SYNPO2: variants seen among roughly 807,000 people sequenced by gnomAD.
SYNPO2 encodes the protein synaptopodin-2.
In SYNPO2, 56 loss-of-function variants were observed where a neutral mutation model predicts 85.0. That is an observed-to-expected ratio of 0.66 (90% CI 0.53 to 0.82). The LOEUF (loss-of-function observed/expected upper bound fraction) is 0.82, where lower values mean the gene tolerates loss of function less well. SYNPO2 is among the 40% of genes least tolerant of loss of function. The pLI is 0.00. For missense variants in SYNPO2, 1,575 were observed against 1,534.2 expected (o/e 1.03, Z -0.44); for synonymous variants, 602 against 591.1 (o/e 1.02, Z -0.27).
intron 1 of SYNPO2, among the ~76,000 whole-genome samples, chr4:118,876,683 T>TTC (rs1404939421): frequency 2.7e-4 from 13 of 47,444 alleles, no homozygotes; most frequent in African/African-American, 1.1e-3. Flanking sequence ...CTTTCTTTCT[T>TTC]TCTTTCTTTC....
intron 1 of SYNPO2, among the ~76,000 whole-genome samples, chr4:118,854,563 TTTAC>T (rs1399532758): frequency 2.0e-5 from 3 of 152,218 alleles, no homozygotes; most frequent in Non-Finnish European, 4.4e-5. Flanking sequence ...CCATTGTAAA[TTTAC>T]TTTAAAAGTT....
At chr4:118,914,935 A>T (rs1453372855) in intron 1 of SYNPO2, among the ~76,000 whole-genome samples, 1 of 151,402 alleles carries the variant, frequency 6.6e-6, no homozygotes, top group African/African-American at 2.4e-5. Flanking sequence ...TAATATGTTT[A>T]TGTTTTATAT....
intron 1 of SYNPO2, among the ~76,000 whole-genome samples, chr4:118,966,133 C>T (rs1286827988): frequency 6.6e-6 from 1 of 152,030 alleles, no homozygotes; most frequent in East Asian, 1.9e-4. Context: ...GATAGGACAA[C>T]CAGGATTAAT....
chr4:118,969,041 A>G (rs920445016), intron 1 of SYNPO2, among the ~76,000 whole-genome samples: 1 of 152,242 alleles, frequency 6.6e-6, no homozygotes, highest in Non-Finnish European at 1.5e-5. Context: ...TAGTTGAGCA[A>G]GTCCAGGAGT....
At chr4:118,893,301 A>G (rs561525580) in intron 1 of SYNPO2, among the ~76,000 whole-genome samples, 1 of 152,354 alleles carries the variant, frequency 6.6e-6, no homozygotes, top group Non-Finnish European at 1.5e-5. Flanking sequence ...GAGATAAAAT[A>G]TTCATTATGC....
Position 119,027,007 on chromosome 4 carries a change from G to A in SYNPO2, c.638G>A (p.Gly213Asp). 6.2e-7 allele frequency: 1 copy of A among 1,614,130 alleles called. No individual in the cohort carries two copies. Among genetic ancestry groups the A allele is most frequent in the Non-Finnish European group, 8.5e-7 (1 of 1,180,018 alleles). Residue 213 changes from glycine (G) to aspartate (D), a missense_variant, in exon 3 of 5, where the codon GGC becomes GAC. Gly to Asp is a moderately conservative substitution (Grantham distance 94). Around this residue, in one of 3 missense-constraint regions of SYNPO2, gnomAD observed 1,508 missense variants for 1,446.8 expected, o/e 1.04. Transcript: ENST00000307142. ...CAGGAGAGACATAAGGGCGCTAGTG[G>A]CCCTTTAGTGGCTCTCCCGGGAGCT... is the stretch of plus-strand genomic sequence containing the variant. ...LSQERHKGASGPLVALPGAEK... is the reference protein window; with the variant it reads ...LSQERHKGASDPLVALPGAEK...
intron 1 of SYNPO2, among the ~76,000 whole-genome samples, chr4:118,876,170 G>A (rs1467817236): frequency 2.6e-5 from 4 of 152,122 alleles, no homozygotes; most frequent in African/African-American, 7.2e-5. Context: ...GCTCAGCTTC[G>A]TCAACGTTGT....
chr4:119,005,872 C>G (rs940330020), intron 1 of SYNPO2, among the ~76,000 whole-genome samples: 2 of 152,168 alleles, frequency 1.3e-5, no homozygotes, highest in African/African-American at 2.4e-5. Context: ...AGCATTAACA[C>G]TAAGCTAGTC....
intron 4 of SYNPO2, among the ~76,000 whole-genome samples, chr4:119,051,190 T>TTTTTTG (rs1739027991): frequency 2.2e-5 from 3 of 134,834 alleles, no homozygotes; most frequent in Non-Finnish European, 4.8e-5. Context: ...GAAGCAATTT[T>TTTTTTG]TTTTTTTTTT....
At chr4:118,997,406 A>G (rs116184005) in intron 1 of SYNPO2, among the ~76,000 whole-genome samples, 282 of 152,236 alleles carry the variant, frequency 1.9e-3, no homozygotes, top group African/African-American at 6.1e-3. Context: ...TTGTTCAAAC[A>G]ATATCTAGGG....
chr4:118,954,473 C>T (rs1734802188), intron 1 of SYNPO2, among the ~76,000 whole-genome samples: 1 of 152,078 alleles, frequency 6.6e-6, no homozygotes, highest in Non-Finnish European at 1.5e-5. Flanking sequence ...AAATGTGAAA[C>T]GATGTTCAAC....
At chr4:119,029,783 G>T in intron 3 of SYNPO2, 62 bp from the exon 4 acceptor site, 1 of 1,473,616 alleles carries the variant, frequency 6.8e-7, no homozygotes, top group Non-Finnish European at 9.0e-7. Flanking sequence ...TTTCTGAGTT[G>T]CTGTGGTGTC....
chr4:118,902,378 G>A (rs139899602), intron 1 of SYNPO2, among the ~76,000 whole-genome samples: 22,693 of 152,128 alleles, frequency 0.15, 2,010 homozygotes, highest in Non-Finnish European at 0.2. Flanking sequence ...ACAGTTCCAC[G>A]TGGCTGGAAA....
rs1474603016 is a variant in SYNPO2, at chr4:118,882,512, TACAG to T, written c.12+31576_12+31579del. Among the ~76,000 whole-genome samples, 8 of 152,320 alleles carry T rather than the reference TACAG, an allele frequency of 5.3e-5. No individual in the cohort carries two copies. In the East Asian group the frequency reaches 1.5e-3, roughly 29 times the overall value. The stretch of plus-strand genomic sequence containing the variant: ...ACATTGTCATTTCATTCCTTGACAT[TACAG>T]ACAAATACCCTTCAATCTTTTGGAA... On this transcript the variant is annotated intron_variant, in intron 1 of 4. Coordinates refer to the SYNPO2 transcript ENST00000610556.
At chr4:118,894,457 G>A (rs549688440) in intron 1 of SYNPO2, among the ~76,000 whole-genome samples, 2 of 152,148 alleles carry the variant, frequency 1.3e-5, no homozygotes, top group South Asian at 4.1e-4. Flanking sequence ...GAGACTAGCA[G>A]TTTATTTCCT....
At chr4:118,923,918 G>T in intron 1 of SYNPO2, among the ~76,000 whole-genome samples, 1 of 149,530 alleles carries the variant, frequency 6.7e-6, no homozygotes. Flanking sequence ...CTGAGTTCAT[G>T]TGGCAACATG....
intron 1 of SYNPO2, among the ~76,000 whole-genome samples, chr4:119,000,115 C>T (rs369068839): frequency 4.6e-5 from 7 of 152,238 alleles, no homozygotes; most frequent in African/African-American, 1.7e-4. Flanking sequence ...CAATGTGAGC[C>T]ACTCTCTCTG....
intron 1 of SYNPO2, among the ~76,000 whole-genome samples, chr4:118,911,476 A>T (rs1222273885): frequency 6.6e-6 from 1 of 152,156 alleles, no homozygotes; most frequent in Non-Finnish European, 1.5e-5. Context: ...CCTTTCAAGC[A>T]GCTGGAGTGG....
intron 1 of SYNPO2, among the ~76,000 whole-genome samples, chr4:118,923,750 C>G (rs1326284413): frequency 6.6e-6 from 1 of 152,044 alleles, no homozygotes; most frequent in African/African-American, 2.4e-5. Flanking sequence ...TACAGATCTA[C>G]TTAGGAGAGA....
Sources: gnomAD v4.1 joint callset for allele counts (sites outside exome capture counted in the v4.1 genomes callset) on GRCh38, gnomAD v4.1.1 for gene constraint, gnomAD v4.1.1 regional missense constraint, MANE v1.5 for transcripts, NCBI Gene and HGNC (gene_info 2026-07-23, HGNC 2026-07-21) for gene names.